The following CPLX1 variants were observed in gnomAD, a reference collection of about 807,000 sequenced individuals.
CPLX1 encodes complexin-1.
A neutral mutation model predicts 15.6 loss-of-function variants in CPLX1; 6 were observed. The ratio of observed to expected loss-of-function variants is 0.39; its 90% CI spans 0.21 to 0.76. The LOEUF is 0.76. CPLX1 is among the 30% of genes least tolerant of loss of function. The pLI is 0.43. For synonymous variants in CPLX1, 91 were observed against 75.2 expected, an observed-to-expected ratio of 1.21 and a Z score of -1.08; for missense variants, 242 against 188.6, an observed-to-expected ratio of 1.28 and a Z score of -1.66.
intron 2 of CPLX1, among the ~76,000 whole-genome samples, chr4:802,042 C>T (rs1034003812): frequency 2.0e-5 from 3 of 152,176 alleles, no homozygotes; most frequent in Non-Finnish European, 4.4e-5. Flanking sequence ...CCCAGAAATT[C>T]CACTCCTAGG....
At chr4:788,037 CTT>C (rs1471619473) in intron 3 of CPLX1, 1 of 985,284 alleles carries the variant, frequency 1.0e-6, no homozygotes, top group Non-Finnish European at 1.2e-6. Context: ...CAGGAGAAAA[CTT>C]AGGAGGGGAG....
chr4:798,468 G>C (rs1295279630), intron 2 of CPLX1, among the ~76,000 whole-genome samples: 5 of 152,176 alleles, frequency 3.3e-5, no homozygotes, highest in Non-Finnish European at 7.3e-5. Flanking sequence ...CTGCAATGCA[G>C]AGGCTCAATC....
At chr4:803,093 G>A (rs949828434) in intron 2 of CPLX1, among the ~76,000 whole-genome samples, 1 of 152,158 alleles carries the variant, frequency 6.6e-6, no homozygotes, top group African/African-American at 2.4e-5. Flanking sequence ...GAACTTCATT[G>A]CCATCTTAAG....
chr4:788,565 A>G, intron 3 of CPLX1: 2 of 985,422 alleles, frequency 2.0e-6, no homozygotes, highest in South Asian at 4.7e-5. Context: ...GGCGACACCC[A>G]GAGGGCCCTG....
intron 3 of CPLX1, among the ~76,000 whole-genome samples, chr4:791,186 G>A (rs973173401): frequency 4.0e-5 from 6 of 150,602 alleles, no homozygotes; most frequent in Non-Finnish European, 5.9e-5. Flanking sequence ...GGCGGGGGGC[G>A]GGGAGCGGGG....
intron 3 of CPLX1, 26 bp from the exon 4 acceptor site, chr4:786,724 G>A (rs773014362): frequency 1.3e-5 from 21 of 1,562,914 alleles, no homozygotes; most frequent in African/African-American, 9.6e-5. Flanking sequence ...GGGTCAGGGC[G>A]GGGGTCCCGG....
rs114455978 is a variant in CPLX1, at chr4:824,605, G to A, written c.-79-4C>T. The stretch of plus-strand genomic sequence containing the variant: ...TGGCCGGGAGCGAGTGTTCTTCCTG[G>A]GGGAGAGTGAAGTGGTCACAGGTCA... On this transcript the variant is annotated splice_polypyrimidine_tract_variant and splice_region_variant and intron_variant, in intron 1 of 3. Transcript: ENST00000304062. The A allele has an allele frequency of 8.1e-4, 1,201 of 1,490,598 alleles. 6 individuals carry two copies. The African/African-American group carries it at 0.014, about 18-fold the overall frequency. The allele number at this position is 1,490,598 out of a possible 1,614,324, so 92.3% of individuals were successfully genotyped here.
intron 2 of CPLX1, among the ~76,000 whole-genome samples, chr4:802,458 C>T (rs1033125857): frequency 3.3e-5 from 5 of 152,190 alleles, no homozygotes; most frequent in African/African-American, 1.2e-4. Context: ...AAATAAATTG[C>T]ACCACTATCA....
intron 3 of CPLX1, 84 bp from the exon 4 acceptor site, chr4:786,782 G>A: frequency 6.7e-7 from 1 of 1,489,614 alleles, no homozygotes; most frequent in Admixed American, 2.3e-5. Context: ...ACTGGCCCAG[G>A]AACCCCCGAA....
At chr4:818,264 G>A (rs1225922061) in intron 2 of CPLX1, among the ~76,000 whole-genome samples, 1 of 152,204 alleles carries the variant, frequency 6.6e-6, no homozygotes, top group Non-Finnish European at 1.5e-5. Context: ...ATGCCCGCCT[G>A]ACCTGCTCAC....
In CPLX1 at chr4:791,178, C is replaced by T. The variant is rs948891586; in HGVS notation, c.207+1255G>A. Among the ~76,000 whole-genome samples the T allele has an allele frequency of 4.3e-4, 32 of 75,132 alleles. 1 individual carries two copies. Among genetic ancestry groups the T allele is most frequent in the Admixed American group, 2.7e-3 (24 of 9,022 alleles). The allele number at this position is 75,132 out of a possible 152,430, so 49.3% of individuals were successfully genotyped here. On this transcript the variant is annotated intron_variant, in intron 3 of 3. Coordinates refer to ENST00000304062, the MANE Select transcript of CPLX1 (RefSeq NM_006651.4). ...CTGAAGCCCTGGGTCAGCTGCGGGGCGGGGGGCGGGGAGCGGGGGGCGGAG... is the reference window on the plus strand; with the variant it reads ...CTGAAGCCCTGGGTCAGCTGCGGGGTGGGGGGCGGGGAGCGGGGGGCGGAG...
chr4:824,633 C>A, intron 1 of CPLX1, 32 bp from the exon 2 acceptor site: 1 of 1,180,660 alleles, frequency 8.5e-7, no homozygotes, highest in Non-Finnish European at 1.3e-6. Flanking sequence ...ACAGGTCACC[C>A]TAAGCAGGCC....
At chr4:790,834 CCT>C (rs1560236718) in intron 3 of CPLX1, among the ~76,000 whole-genome samples, 1 of 152,080 alleles carries the variant, frequency 6.6e-6, no homozygotes, top group Non-Finnish European at 1.5e-5. Context: ...GGGGCTCTCT[CCT>C]CTCTGTTCCC....
Position 824,664 on chromosome 4 carries a change from G to A in CPLX1, c.-79-63C>T, listed in dbSNP as rs1199124291. On this transcript the variant is annotated intron_variant, in intron 1 of 3. Transcript: ENST00000304062. ...AGGCCCCTGCCTGGCCTTCCCCAGAGACCATCATTCCTTACCCGCAATACC... is the reference window on the plus strand; with the variant it reads ...AGGCCCCTGCCTGGCCTTCCCCAGAAACCATCATTCCTTACCCGCAATACC... The A allele has an allele frequency of 3.4e-6, 3 of 879,910 alleles. No homozygotes were observed. In the East Asian group the frequency reaches 7.3e-5, roughly 21 times the overall value. The allele number at this position is 879,910 out of a possible 1,614,324, so 54.5% of individuals were successfully genotyped here. A position where few individuals can be genotyped will look rare whatever the true frequency, so the allele number is the denominator to read the frequency against.
At chr4:806,506 A>C (rs979064321) in intron 2 of CPLX1, among the ~76,000 whole-genome samples, 2 of 152,260 alleles carry the variant, frequency 1.3e-5, no homozygotes, top group African/African-American at 4.8e-5. Flanking sequence ...TTTCATGATG[A>C]AAACATCAAA....
chr4:822,175 TCTCTGTCTCTCC>T (rs1483105955), intron 2 of CPLX1, among the ~76,000 whole-genome samples: 2 of 151,076 alleles, frequency 1.3e-5, no homozygotes, highest in Non-Finnish European at 3.0e-5. Context: ...TCTCTCCCCA[TCTCTGTCTCTCC>T]CTCTGTCTCT....
At chr4:797,304 G>A (rs1291472463) in intron 2 of CPLX1, among the ~76,000 whole-genome samples, 1 of 152,168 alleles carries the variant, frequency 6.6e-6, no homozygotes, top group African/African-American at 2.4e-5. Flanking sequence ...CGGAGCTGCA[G>A]CCCTGGCACC....
intron 2 of CPLX1, among the ~76,000 whole-genome samples, chr4:811,475 C>T (rs1369278440): frequency 6.6e-6 from 1 of 152,114 alleles, no homozygotes; most frequent in Non-Finnish European, 1.5e-5. Flanking sequence ...TCTTCCTTGG[C>T]TCGTGGGCTA....
At chr4:803,185 A>G (rs1231279266) in intron 2 of CPLX1, among the ~76,000 whole-genome samples, 1 of 152,260 alleles carries the variant, frequency 6.6e-6, no homozygotes, top group African/African-American at 2.4e-5. Context: ...AAAATGGACA[A>G]TGGTAAACAG....
Sources: allele counts gnomAD v4.1 joint callset (sites outside exome capture counted in the v4.1 genomes callset), GRCh38; gene constraint gnomAD v4.1.1; transcripts MANE v1.5; gene names NCBI Gene and HGNC (gene_info 2026-07-23, HGNC 2026-07-21).